Variants in STPG2 observed in about 807,000 individuals in gnomAD.
STPG2 encodes the protein sperm-tail PG-rich repeat-containing protein 2.
Under a neutral mutation model 54.2 loss-of-function variants are expected in STPG2, and 56 were observed. The observed-to-expected ratio is 1.03, with a 90% CI of 0.83 to 1.29. STPG2 has a LOEUF of 1.29. Ranked by LOEUF, STPG2 falls within the 50% of genes most tolerant of loss-of-function variation. The pLI, the probability that STPG2 is intolerant of heterozygous loss-of-function variation, is 0.00. For missense variants in STPG2, 596 were observed against 544.9 expected, an observed-to-expected ratio of 1.09 and a Z score of -0.93; for synonymous variants, 200 against 181.8, an observed-to-expected ratio of 1.10 and a Z score of -0.81.
chr4:98,043,780 A>G (rs1336490291), intron 5 of STPG2, among the ~76,000 whole-genome samples: 1 of 151,764 alleles, frequency 6.6e-6, no homozygotes, highest in Non-Finnish European at 1.5e-5. Context: ...TTTATTTTTT[A>G]CTTTTAGGTT....
chr4:97,874,210 T>G (rs1730095427), intron 8 of STPG2, among the ~76,000 whole-genome samples: 1 of 151,686 alleles, frequency 6.6e-6, no homozygotes, highest in Non-Finnish European at 1.5e-5. Context: ...CACTGGAAAC[T>G]TAGGGAATCC....
At chr4:97,547,579 C>T (rs980710079) in intron 4 of STPG2, among the ~76,000 whole-genome samples, 1 of 152,076 alleles carries the variant, frequency 6.6e-6, no homozygotes, top group South Asian at 2.1e-4. Flanking sequence ...CTGCCTGCAA[C>T]GTGAAACATA....
At chr4:97,782,316 C>A (rs1726664725) in intron 9 of STPG2, among the ~76,000 whole-genome samples, 1 of 152,178 alleles carries the variant, frequency 6.6e-6, no homozygotes, top group South Asian at 2.1e-4. Context: ...CATGAGTGAA[C>A]TCCCATTCAC....
At chr4:97,902,087 A>T (rs1731197948) in intron 8 of STPG2, among the ~76,000 whole-genome samples, 1 of 152,056 alleles carries the variant, frequency 6.6e-6, no homozygotes, top group Non-Finnish European at 1.5e-5. Context: ...TAGTCTTGAG[A>T]AACCTGAGTA....
chr4:97,713,769 G>A (rs1724204616), intron 9 of STPG2, among the ~76,000 whole-genome samples: 1 of 152,174 alleles, frequency 6.6e-6, no homozygotes, highest in Admixed American at 6.5e-5. Context: ...TTGGCCCAGG[G>A]TACGGGACCT....
intron 4 of STPG2, among the ~76,000 whole-genome samples, chr4:97,469,608 G>A (rs969801626): frequency 1.3e-5 from 2 of 152,006 alleles, no homozygotes; most frequent in South Asian, 2.1e-4. Flanking sequence ...GGAAGAGAGC[G>A]GCAGTCGTAC....
At chr4:97,585,124 A>AC (rs70953074) in intron 10 of STPG2, among the ~76,000 whole-genome samples, 1 of 110,280 alleles carries the variant, frequency 9.1e-6, no homozygotes, top group Admixed American at 8.0e-5. Flanking sequence ...AAAAAAAAAA[A>AC]CAAAACTACA....
intron 10 of STPG2, among the ~76,000 whole-genome samples, chr4:97,615,509 A>G (rs1245018218): frequency 1.3e-5 from 2 of 152,010 alleles, no homozygotes; most frequent in Admixed American, 1.3e-4. Flanking sequence ...GCTGGCCTTG[A>G]ACTCCTAGCC....
chr4:97,635,561 T>G (rs1578441976), intron 10 of STPG2, among the ~76,000 whole-genome samples: 3 of 151,810 alleles, frequency 2.0e-5, no homozygotes, highest in African/African-American at 7.3e-5. Flanking sequence ...GGATAAAGAG[T>G]CAAGACCCAT....
At chr4:97,468,691 C>T (rs1465135259) in intron 4 of STPG2, among the ~76,000 whole-genome samples, 1 of 151,944 alleles carries the variant, frequency 6.6e-6, no homozygotes, top group Non-Finnish European at 1.5e-5. Context: ...TTTTCCTATG[C>T]CCTATAAACA....
chr4:97,639,286 T>C lies in STPG2; in HGVS notation c.1320+73413A>G, dbSNP rs181321527. Reference sequence around the variant, plus strand: ...GCATATTCTCACTCATAGGTGGGAATTGAACAATGAGATCACATGGACACA... The same window carrying C: ...GCATATTCTCACTCATAGGTGGGAACTGAACAATGAGATCACATGGACACA... On this transcript the variant is annotated intron_variant, in intron 10 of 10. Coordinates refer to ENST00000295268, the MANE Select transcript of STPG2 (RefSeq NM_174952.3). 3.2e-3 allele frequency among the ~76,000 whole-genome samples: 485 copies of C among 151,808 alleles called. 11 individuals are homozygous for C. Among genetic ancestry groups the C allele is most frequent in the Admixed American group, 0.026 (398 of 15,212 alleles).
intron 5 of STPG2, among the ~76,000 whole-genome samples, chr4:98,054,533 T>C (rs1737425249): frequency 6.6e-6 from 1 of 152,192 alleles, no homozygotes; most frequent in Non-Finnish European, 1.5e-5. Context: ...TGGTAAATCA[T>C]CTTTATTTTA....
intron 8 of STPG2, among the ~76,000 whole-genome samples, chr4:97,904,146 A>G (rs1731299174): frequency 6.6e-6 from 1 of 152,232 alleles, no homozygotes; most frequent in Non-Finnish European, 1.5e-5. Flanking sequence ...CTCTGGGGGC[A>G]GGGCACAGAA....
chr4:97,813,837 G>A (rs1276774780), intron 9 of STPG2, among the ~76,000 whole-genome samples: 1 of 151,250 alleles, frequency 6.6e-6, no homozygotes, highest in Non-Finnish European at 1.5e-5. Context: ...TTCCTTTTAT[G>A]GGTTGAGAAA....
chr4:97,800,154 G>C (rs919606434), intron 9 of STPG2, among the ~76,000 whole-genome samples: 2 of 152,110 alleles, frequency 1.3e-5, no homozygotes, highest in Non-Finnish European at 1.5e-5. Context: ...GGAGTACTTT[G>C]ATCGTCTGAA....
chr4:97,741,475 G>A (rs1041459848), intron 9 of STPG2, among the ~76,000 whole-genome samples: 32 of 151,490 alleles, frequency 2.1e-4, no homozygotes, highest in African/African-American at 7.7e-4. Context: ...CTGACAAAGG[G>A]CTAATATCCA....
chr4:97,476,365 T>A (rs923794325), intron 4 of STPG2, among the ~76,000 whole-genome samples: 2 of 152,260 alleles, frequency 1.3e-5, no homozygotes, highest in Non-Finnish European at 2.9e-5. Flanking sequence ...ACTTAAAAAA[T>A]TTTTCTATAT....
At chr4:97,905,235 C>A (rs1471717150) in intron 8 of STPG2, among the ~76,000 whole-genome samples, 1 of 151,884 alleles carries the variant, frequency 6.6e-6, no homozygotes, top group Non-Finnish European at 1.5e-5. Context: ...AAAGGGAAGC[C>A]CATCAGACTA....
intron 5 of STPG2, among the ~76,000 whole-genome samples, chr4:97,994,260 T>C (rs1735124528): frequency 6.6e-6 from 1 of 152,216 alleles, no homozygotes; most frequent in South Asian, 2.1e-4. Context: ...TTAATTTCCA[T>C]GTATTTGCAT....
Sources: allele counts gnomAD v4.1 joint callset (sites outside exome capture counted in the v4.1 genomes callset), GRCh38; gene constraint gnomAD v4.1.1; transcripts MANE v1.5; gene names NCBI Gene and HGNC (gene_info 2026-07-23, HGNC 2026-07-21).